Variants in SUMF1 observed in about 807,000 individuals in gnomAD.
The protein encoded by SUMF1 is sulfatase modifying factor 1.
A neutral mutation model predicts 47.6 loss-of-function variants in SUMF1; 48 were observed. The observed-to-expected ratio is 1.01, with a 90% CI of 0.80 to 1.28. The LOEUF (loss-of-function observed/expected upper bound fraction) is 1.28. Ranked by LOEUF, SUMF1 falls within the 50% of genes most tolerant of loss-of-function variation. The pLI is 0.00. For missense variants in SUMF1, 571 were observed against 485.4 expected (o/e 1.18, Z -1.66); for synonymous variants, 230 against 192.1 (o/e 1.20, Z -1.63).
intron 8 of SUMF1, among the ~76,000 whole-genome samples, chr3:4,208,623 A>C (rs1695707939): frequency 6.6e-6 from 1 of 152,060 alleles, no homozygotes; most frequent in African/African-American, 2.4e-5. Context: ...CGGAGAGACG[A>C]AAATTCTAAG....
intron 8 of SUMF1, among the ~76,000 whole-genome samples, chr3:4,279,389 G>T (rs576937157): frequency 6.6e-6 from 1 of 152,160 alleles, no homozygotes; most frequent in African/African-American, 2.4e-5. Flanking sequence ...AATGAAAACA[G>T]CCTGCATGCC....
intron 7 of SUMF1, among the ~76,000 whole-genome samples, chr3:4,410,031 A>T (rs1159300915): frequency 6.6e-6 from 1 of 152,232 alleles, no homozygotes; most frequent in Non-Finnish European, 1.5e-5. Flanking sequence ...TAACCAGTCT[A>T]GCTAGTTTGG....
intron 8 of SUMF1, among the ~76,000 whole-genome samples, chr3:4,096,509 A>G (rs1414986842): frequency 2.0e-5 from 3 of 152,148 alleles, no homozygotes; most frequent in Admixed American, 2.0e-4. Context: ...GGCAGCAAAC[A>G]TCAGCCTATG....
At chr3:4,431,900 T>C (rs1395669680) in intron 3 of SUMF1, among the ~76,000 whole-genome samples, 1 of 152,184 alleles carries the variant, frequency 6.6e-6, no homozygotes, top group Non-Finnish European at 1.5e-5. Context: ...AGTCAGTCTA[T>C]GAATAGATGG....
At chr3:4,088,100 C>A (rs1039373553) in intron 8 of SUMF1, among the ~76,000 whole-genome samples, 1 of 152,040 alleles carries the variant, frequency 6.6e-6, no homozygotes, top group Non-Finnish European at 1.5e-5. Context: ...TACTTTGACT[C>A]CTACTGAGAA....
At chr3:4,057,624 T>A (rs1695215039) in intron 9 of SUMF1, among the ~76,000 whole-genome samples, 3 of 152,074 alleles carry the variant, frequency 2.0e-5, no homozygotes, top group Admixed American at 2.0e-4. Context: ...CTCCCAGAGT[T>A]GTTATGAATA....
chr3:4,118,655 T>C (rs57292523), intron 8 of SUMF1, among the ~76,000 whole-genome samples: 7,812 of 152,208 alleles, frequency 0.051, 548 homozygotes, highest in East Asian at 0.15. Context: ...GAAGTCAACA[T>C]TGATCTTCTA....
At chr3:4,137,799 T>C (rs1225221972) in intron 8 of SUMF1, among the ~76,000 whole-genome samples, 3 of 151,984 alleles carry the variant, frequency 2.0e-5, no homozygotes, top group African/African-American at 7.3e-5. Context: ...GTACTGGAGG[T>C]TCTAGCCAGA....
chr3:4,373,980 A>G (rs1418256919), intron 8 of SUMF1, among the ~76,000 whole-genome samples: 2 of 129,274 alleles, frequency 1.5e-5, no homozygotes, highest in African/African-American at 5.0e-5. Context: ...AGCAAAATCT[A>G]CATCCATTGC....
intron 8 of SUMF1, among the ~76,000 whole-genome samples, chr3:4,179,591 G>A (rs78825931): frequency 0.34 from 51,354 of 151,516 alleles, 8,826 homozygotes; most frequent in East Asian, 0.4. Context: ...AAAAAAACCC[G>A]AGAAGAAAAC....
intron 8 of SUMF1, among the ~76,000 whole-genome samples, chr3:4,132,148 G>C (rs902473713): frequency 6.6e-6 from 1 of 152,132 alleles, no homozygotes; most frequent in Non-Finnish European, 1.5e-5. Context: ...TCCGGATATA[G>C]ATATGAGTTT....
chr3:4,386,739 T>C (rs1355905256), intron 7 of SUMF1, among the ~76,000 whole-genome samples: 1 of 152,102 alleles, frequency 6.6e-6, no homozygotes, highest in Non-Finnish European at 1.5e-5. Context: ...GGTATACAGT[T>C]TCTTTGTAGA....
intron 8 of SUMF1, among the ~76,000 whole-genome samples, chr3:4,272,279 G>A (rs536497932): frequency 5.9e-5 from 9 of 152,166 alleles, no homozygotes; most frequent in Non-Finnish European, 7.3e-5. Context: ...TTTCTCTGGC[G>A]GACTGGAGGA....
intron 8 of SUMF1, among the ~76,000 whole-genome samples, chr3:4,164,369 T>A (rs954251611): frequency 2.0e-5 from 3 of 152,174 alleles, no homozygotes; most frequent in Non-Finnish European, 4.4e-5. Flanking sequence ...GGTGATGACA[T>A]GAGCTGGCGC....
chr3:4,326,114 G>C (rs1047405420), intron 8 of SUMF1, among the ~76,000 whole-genome samples: 7 of 152,166 alleles, frequency 4.6e-5, no homozygotes, highest in African/African-American at 1.7e-4. Flanking sequence ...GAGCCACAGT[G>C]CCCAGCTATC....
intron 8 of SUMF1, among the ~76,000 whole-genome samples, chr3:4,210,587 G>T (rs912961515): frequency 2.6e-5 from 4 of 152,092 alleles, no homozygotes; most frequent in Admixed American, 6.5e-5. Flanking sequence ...GAGGAACCTT[G>T]ACTCTTAAAT....
chr3:4,248,792 T>C (rs933749997), intron 8 of SUMF1, among the ~76,000 whole-genome samples: 1 of 152,166 alleles, frequency 6.6e-6, no homozygotes, highest in African/African-American at 2.4e-5. Flanking sequence ...GAAACAAGTA[T>C]AGGAAAAGAA....
At chr3:4,083,814 C>T (rs1410179430) in intron 8 of SUMF1, among the ~76,000 whole-genome samples, 1 of 146,278 alleles carries the variant, frequency 6.8e-6, no homozygotes, top group African/African-American at 2.5e-5. Context: ...ACAAATATGA[C>T]ATCATCGTTG....
At chr3:4,218,657 T>C (rs1374305616) in intron 8 of SUMF1, among the ~76,000 whole-genome samples, 3 of 152,190 alleles carry the variant, frequency 2.0e-5, no homozygotes, top group Non-Finnish European at 2.9e-5. Flanking sequence ...GAGCTTCAAA[T>C]GTCAGACTTC....
Sources: allele counts gnomAD v4.1 joint callset (sites outside exome capture counted in the v4.1 genomes callset), GRCh38; gene constraint gnomAD v4.1.1; transcripts MANE v1.5; gene names NCBI Gene and HGNC (gene_info 2026-07-23, HGNC 2026-07-21).